GREB1L: variants seen among roughly 807,000 people sequenced by gnomAD.
The protein encoded by GREB1L is GREB1 like retinoic acid receptor coactivator, also known as GREB1-like protein.
A neutral mutation model predicts 200.8 loss-of-function variants in GREB1L; 17 were observed. That is an observed-to-expected ratio of 0.08 (90% CI 0.06 to 0.13). The LOEUF (loss-of-function observed/expected upper bound fraction) is 0.13, where lower values mean the gene tolerates loss of function less well. Ranked by LOEUF, GREB1L falls within the 10% of genes least tolerant of loss-of-function variation. The pLI is 1.00. For missense variants in GREB1L, 1,657 were observed against 2,367.7 expected, an observed-to-expected ratio of 0.70 and a Z score of 6.23; for synonymous variants, 789 against 893.0, an observed-to-expected ratio of 0.88 and a Z score of 2.08.
At chr18:21,372,634 G>A (rs2039922034) in intron 2 of GREB1L, among the ~76,000 whole-genome samples, 1 of 151,940 alleles carries the variant, frequency 6.6e-6, no homozygotes. Context: ...TAAAATATGA[G>A]ATTTTTGCCG....
intron 11 of GREB1L, among the ~76,000 whole-genome samples, chr18:21,447,790 G>A (rs1201650414): frequency 6.6e-6 from 1 of 152,088 alleles, no homozygotes; most frequent in Non-Finnish European, 1.5e-5. Context: ...TGATAAAGCT[G>A]AATGAAGATC....
At chr18:21,383,745 G>A (rs987700536) in intron 3 of GREB1L, 70 bp downstream of exon 3, 39 of 1,438,106 alleles carry the variant, frequency 2.7e-5, no homozygotes, top group Admixed American at 1.0e-4. Context: ...TGGAGTCTCC[G>A]TCTGTTGCCC....
intron 15 of GREB1L, among the ~76,000 whole-genome samples, chr18:21,459,512 C>G (rs2034941229): frequency 6.6e-6 from 1 of 151,928 alleles, no homozygotes; most frequent in African/African-American, 2.4e-5. Context: ...TCTTGAACTC[C>G]TGACCTCAAG....
chr18:21,382,120 G>A (rs1236109050), intron 2 of GREB1L, among the ~76,000 whole-genome samples: 1 of 152,134 alleles, frequency 6.6e-6, no homozygotes, highest in East Asian at 1.9e-4. Flanking sequence ...CCAGGCAGGT[G>A]GATCACTTGA....
intron 7 of GREB1L, among the ~76,000 whole-genome samples, chr18:21,423,242 T>C (rs2032304452): frequency 6.6e-6 from 1 of 152,206 alleles, no homozygotes; most frequent in Admixed American, 6.5e-5. Context: ...ATCTGTTTTT[T>C]AAATTTGCAT....
intron 10 of GREB1L, among the ~76,000 whole-genome samples, chr18:21,442,971 A>T (rs1302634680): frequency 6.6e-6 from 1 of 151,676 alleles, no homozygotes; most frequent in Non-Finnish European, 1.5e-5. Flanking sequence ...GTGCAGTGGC[A>T]CAATCTCTGC....
intron 2 of GREB1L, among the ~76,000 whole-genome samples, chr18:21,371,466 ATTT>A (rs5823304): frequency 7.1e-5 from 10 of 140,972 alleles, no homozygotes; most frequent in African/African-American, 2.1e-4. Flanking sequence ...CAATGATACA[ATTT>A]TTTTTTTTTT....
intron 1 of GREB1L, among the ~76,000 whole-genome samples, chr18:21,308,377 A>G (rs2038735627): frequency 6.6e-6 from 1 of 152,222 alleles, no homozygotes; most frequent in African/African-American, 2.4e-5. Context: ...GTATTTACAG[A>G]ACATTCTAGG....
At chr18:21,318,209 C>G (rs2038902560) in intron 1 of GREB1L, among the ~76,000 whole-genome samples, 1 of 151,908 alleles carries the variant, frequency 6.6e-6, no homozygotes, top group African/African-American at 2.4e-5. Flanking sequence ...GTGAAAATAC[C>G]CATTTCAGAA....
At chr18:21,391,198 C>G (rs2040788427) in intron 4 of GREB1L, among the ~76,000 whole-genome samples, 1 of 152,210 alleles carries the variant, frequency 6.6e-6, no homozygotes, top group Non-Finnish European at 1.5e-5. Flanking sequence ...TTTTAAGTGA[C>G]TTATACAGGT....
intron 2 of GREB1L, among the ~76,000 whole-genome samples, chr18:21,373,580 C>T (rs1189361584): frequency 2.0e-5 from 3 of 152,176 alleles, no homozygotes; most frequent in African/African-American, 4.8e-5. Context: ...GTGATCCACC[C>T]GCCTTGGCCT....
intron 7 of GREB1L, among the ~76,000 whole-genome samples, chr18:21,415,814 T>A (rs1296095231): frequency 6.6e-6 from 1 of 152,208 alleles, no homozygotes; most frequent in African/African-American, 2.4e-5. Flanking sequence ...GCCTAAAATA[T>A]CATGAAAGCA....
At chr18:21,244,115 T>A (rs1452866935) in intron 1 of GREB1L, among the ~76,000 whole-genome samples, 2 of 152,196 alleles carry the variant, frequency 1.3e-5, no homozygotes, top group Admixed American at 1.3e-4. Flanking sequence ...AATTATTACC[T>A]TGAAGATCAG....
chr18:21,257,723 C>A (rs1429884557), intron 1 of GREB1L, among the ~76,000 whole-genome samples: 1 of 152,176 alleles, frequency 6.6e-6, no homozygotes, highest in Non-Finnish European at 1.5e-5. Flanking sequence ...ATGCACAAAA[C>A]ACAGCTTTTG....
intron 1 of GREB1L, among the ~76,000 whole-genome samples, chr18:21,266,108 A>G (rs1296632667): frequency 1.3e-5 from 2 of 152,070 alleles, no homozygotes; most frequent in African/African-American, 4.8e-5. Flanking sequence ...TACCTATTAA[A>G]TCCTATATGT....
intron 1 of GREB1L, among the ~76,000 whole-genome samples, chr18:21,355,194 T>A (rs1177460671): frequency 6.4e-5 from 6 of 93,704 alleles, no homozygotes; most frequent in Non-Finnish European, 9.5e-5. Context: ...TTTTGTTAAA[T>A]TTTTTTTTTT....
intron 1 of GREB1L, among the ~76,000 whole-genome samples, chr18:21,285,076 G>A (rs1401511703): frequency 6.6e-6 from 1 of 152,008 alleles, no homozygotes; most frequent in Non-Finnish European, 1.5e-5. Context: ...CTAGATACAA[G>A]GCTTTTATCA....
At chr18:21,508,715 GAAA>G (rs35816889) in intron 27 of GREB1L, 124 bp downstream of exon 27, 1,219 of 378,680 alleles carry the variant, frequency 3.2e-3, no homozygotes, top group East Asian at 4.4e-3. Context: ...CCACTCTTCG[GAAA>G]AAAAAAAAAA....
chr18:21,499,724 C>T lies in GREB1L; in HGVS notation c.3392-5C>T. 6 of 1,547,154 alleles carry T rather than the reference C, an allele frequency of 3.9e-6. No homozygotes were observed. The highest frequency in any genetic ancestry group is 5.2e-6 in the Non-Finnish European group (6 of 1,143,000). ...GTGGGGTGGGTTCTGTCTGTTCTCTCACAGGTTCCATCATGGAGAATGGAG... is the reference window on the plus strand; with the variant it reads ...GTGGGGTGGGTTCTGTCTGTTCTCTTACAGGTTCCATCATGGAGAATGGAG... On this transcript the variant is annotated splice_region_variant and splice_polypyrimidine_tract_variant and intron_variant, in intron 21 of 32. Coordinates refer to ENST00000424526, the MANE Select transcript of GREB1L (RefSeq NM_001142966.3).
Sources: allele counts gnomAD v4.1 joint callset (sites outside exome capture counted in the v4.1 genomes callset), GRCh38; gene constraint gnomAD v4.1.1; transcripts MANE v1.5; gene names NCBI Gene and HGNC (gene_info 2026-07-23, HGNC 2026-07-21).